The following TSC22D3 variants were observed in gnomAD, a reference collection of about 807,000 sequenced individuals.
TSC22D3 encodes TSC22 domain family member 3, also known as TSC22 domain family protein 3.
Under a neutral mutation model 11.1 loss-of-function variants are expected in TSC22D3, and 4 were observed. The ratio of observed to expected loss-of-function variants is 0.36; its 90% CI spans 0.18 to 0.83. The LOEUF (loss-of-function observed/expected upper bound fraction) is 0.83. Among genes scored for constraint, TSC22D3 ranks in the 40% least tolerant of loss-of-function variants. The probability of loss-of-function intolerance (pLI) is 0.48; values close to 1 mark genes in which losing one functional copy is unlikely to be tolerated. For missense variants in TSC22D3, 118 were observed against 159.4 expected, an observed-to-expected ratio of 0.74 and a Z score of 1.40; for synonymous variants, 77 against 70.3, an observed-to-expected ratio of 1.10 and a Z score of -0.48.
At chrX:107,762,406 C>A (rs1057200010) in intron 1 of TSC22D3, among the ~76,000 whole-genome samples, 1 of 112,227 alleles carries the variant, frequency 8.9e-6, no homozygotes, top group African/African-American at 3.2e-5. Flanking sequence ...ACTGACTTAT[C>A]TCCAATGGAA....
chrX:107,720,681 G>A (rs1294511262), intron 1 of TSC22D3, among the ~76,000 whole-genome samples: 1 of 102,219 alleles, frequency 9.8e-6, no homozygotes, highest in Non-Finnish European at 2.0e-5. Context: ...CAACAAGAGC[G>A]AAACTCTGTC....
At chrX:107,720,193 A>G (rs1224564452) in intron 1 of TSC22D3, among the ~76,000 whole-genome samples, 1 of 104,428 alleles carries the variant, frequency 9.6e-6, no homozygotes, top group Non-Finnish European at 1.9e-5. Context: ...TCAAAGATTT[A>G]GTTAAAAAAA....
intron 1 of TSC22D3, among the ~76,000 whole-genome samples, chrX:107,719,674 G>A (rs1167353501): frequency 8.9e-6 from 1 of 111,938 alleles, no homozygotes; most frequent in Non-Finnish European, 1.9e-5. Context: ...TTGTTGAATG[G>A]TTAGAGGCTT....
intron 1 of TSC22D3, among the ~76,000 whole-genome samples, chrX:107,730,116 G>T (rs975215201): frequency 8.9e-6 from 1 of 112,228 alleles, no homozygotes; most frequent in Non-Finnish European, 1.9e-5. Flanking sequence ...TTAATTTTTT[G>T]AATCTTGTCA....
At chrX:107,728,201 A>G (rs2147736320) in intron 1 of TSC22D3, among the ~76,000 whole-genome samples, 1 of 112,456 alleles carries the variant, frequency 8.9e-6, no homozygotes, top group African/African-American at 3.2e-5. Flanking sequence ...GACTTTGCTA[A>G]TGGCCTCGTG....
chrX:107,724,668 C>G (rs1927525085), intron 1 of TSC22D3, among the ~76,000 whole-genome samples: 1 of 112,393 alleles, frequency 8.9e-6, no homozygotes, highest in Non-Finnish European at 1.9e-5. Flanking sequence ...ACATCCAGAG[C>G]TAGCTGTGTG....
At chrX:107,726,170 T>A (rs939838497) in intron 1 of TSC22D3, among the ~76,000 whole-genome samples, 1 of 112,145 alleles carries the variant, frequency 8.9e-6, no homozygotes, top group African/African-American at 3.2e-5. Context: ...AACAAGGCCA[T>A]CTCCCCTGCT....
chrX:107,754,866 C>A (rs1043819486), intron 1 of TSC22D3, among the ~76,000 whole-genome samples: 1 of 111,893 alleles, frequency 8.9e-6, no homozygotes, highest in Non-Finnish European at 1.9e-5. Context: ...TTGGCGATAA[C>A]CTTGAGCAGT....
chrX:107,753,496 G>A (rs1021392399), intron 1 of TSC22D3, among the ~76,000 whole-genome samples: 3 of 111,384 alleles, frequency 2.7e-5, no homozygotes, highest in African/African-American at 9.8e-5. Flanking sequence ...ACATGGGTCA[G>A]ACGATCAGAC....
intron 1 of TSC22D3, among the ~76,000 whole-genome samples, chrX:107,753,774 T>C (rs1929046242): frequency 8.9e-6 from 1 of 111,873 alleles, no homozygotes; most frequent in Admixed American, 9.5e-5. Flanking sequence ...CAATGCTTGG[T>C]CTCAGCTTAG....
intron 1 of TSC22D3, chrX:107,717,171 C>A (rs1927094138): frequency 2.1e-5 from 14 of 659,721 alleles, no homozygotes; most frequent in Non-Finnish European, 2.6e-5. Context: ...CCAGTTAAAC[C>A]ACATCCCCTC....
intron 1 of TSC22D3, among the ~76,000 whole-genome samples, chrX:107,739,945 T>A (rs1052432051): frequency 1.1e-4 from 12 of 112,542 alleles, no homozygotes; most frequent in African/African-American, 3.2e-4. Context: ...CACTGGGCAA[T>A]GGGAATGAAT....
intron 1 of TSC22D3, among the ~76,000 whole-genome samples, chrX:107,771,804 A>C (rs1929916010): frequency 8.9e-6 from 1 of 112,377 alleles, no homozygotes; most frequent in Non-Finnish European, 1.9e-5. Context: ...ACATACCAAC[A>C]GGCTGCATGC....
At chrX:107,759,603 C>A (rs1454131379) in intron 1 of TSC22D3, among the ~76,000 whole-genome samples, 1 of 112,707 alleles carries the variant, frequency 8.9e-6, no homozygotes, top group Non-Finnish European at 1.9e-5. Flanking sequence ...CCTCCAGGAA[C>A]TGTGCCTCCT....
Position 107,775,640 on chromosome X carries a change from C to G in TSC22D3, c.-221G>C. The stretch of plus-strand genomic sequence containing the variant: ...AAACAGCTGGACAAACAGCTCCGAG[C>G]GGATCCTTCGGGCTCACTTCCTCCT... On this transcript the variant is annotated 5_prime_UTR_variant, in exon 1 of 3. Transcript: ENST00000372383. 1 of 322,502 alleles carries G rather than the reference C, an allele frequency of 3.1e-6. No individual in the cohort carries two copies. Among genetic ancestry groups the G allele is most frequent in the East Asian group, 5.2e-5 (1 of 19,218 alleles). 26.6% of individuals were successfully genotyped at this position (322,502 alleles called of 1,213,427 possible).
chrX:107,768,675 C>A (rs1929773490), intron 1 of TSC22D3, among the ~76,000 whole-genome samples: 1 of 112,731 alleles, frequency 8.9e-6, no homozygotes, highest in Admixed American at 9.4e-5. Flanking sequence ...CTCTCTACCT[C>A]TCTCCTCCAA....
intron 1 of TSC22D3, among the ~76,000 whole-genome samples, chrX:107,736,399 C>T (rs144726571): frequency 0.015 from 1,642 of 111,726 alleles, 32 homozygotes; most frequent in African/African-American, 0.051. Flanking sequence ...CTTTCTCTCC[C>T]CATTTTCCCC....
chrX:107,742,281 A>AAGAGAGAGAGAGAGAGAGAGAG (rs764889060), intron 1 of TSC22D3, among the ~76,000 whole-genome samples: 4 of 56,813 alleles, frequency 7.0e-5, no homozygotes, highest in African/African-American at 2.4e-4. Flanking sequence ...GAGAGAGAGA[A>AAGAGAGAGAGAGAGAGAGAGAG]AGAGAGAGAG....
chrX:107,725,414 AT>A (rs1342813264), intron 1 of TSC22D3, among the ~76,000 whole-genome samples: 1 of 110,940 alleles, frequency 9.0e-6, no homozygotes, highest in Non-Finnish European at 1.9e-5. Context: ...GGAGAAGGGT[AT>A]TTCTCAGGTG....
Sources: allele counts gnomAD v4.1 joint callset (sites outside exome capture counted in the v4.1 genomes callset), GRCh38; gene constraint gnomAD v4.1.1; transcripts MANE v1.5; gene names NCBI Gene and HGNC (gene_info 2026-07-23, HGNC 2026-07-21).